TYMP: variants seen among roughly 807,000 people sequenced by gnomAD.
The protein encoded by TYMP is gliostatin.
In TYMP, 46 loss-of-function variants were observed where a neutral mutation model predicts 42.3. That is an observed-to-expected ratio of 1.09 (90% CI 0.86 to 1.39). The LOEUF (loss-of-function observed/expected upper bound fraction) is 1.39, where lower values mean the gene tolerates loss of function less well. TYMP is among the 40% of genes most tolerant of loss of function. The pLI is 0.00. For missense variants in TYMP, 837 were observed against 677.6 expected, an observed-to-expected ratio of 1.24 and a Z score of -2.61; for synonymous variants, 363 against 308.0, an observed-to-expected ratio of 1.18 and a Z score of -1.87.
chr22:50,526,225 G>T (rs756011288), intron 8 of TYMP, 21 bp downstream of exon 8: 1 of 1,518,098 alleles, frequency 6.6e-7, no homozygotes, highest in East Asian at 2.6e-5. Flanking sequence ...GCGGAAGGAC[G>T]GGGACTCCCC....
chr22:50,529,683 G>T lies in TYMP; in HGVS notation c.27C>A (p.Thr9=). ...AGTCACCAGGCGCGGGTGGGGCCCC[G>T]GTTCCCGGGGTCATCAAGGCTGCCA... MAALMTPG[T]GAPPAPGDFS... The change falls in exon 2 of 10, where the codon ACC becomes ACA. Residue 9 remains threonine, a synonymous_variant. Transcript: ENST00000252029. 1.2e-6 allele frequency: 2 copies of T among 1,611,292 alleles called. No individual in the cohort carries two copies. Among genetic ancestry groups the T allele is most frequent in the Non-Finnish European group, 1.7e-6 (2 of 1,179,392 alleles).
chr22:50,527,105 G>A, intron 6 of TYMP, 60 bp downstream of exon 6: 1 of 1,378,188 alleles, frequency 7.3e-7, no homozygotes, highest in East Asian at 2.3e-5. Flanking sequence ...GACGGGAGGG[G>A]TGAAGGGTAG....
rs1368019457 is a variant in TYMP, at chr22:50,529,350, G to C, written c.215-12C>G. 3 of 1,612,696 alleles carry C rather than the reference G, an allele frequency of 1.9e-6. No homozygotes were observed. Among genetic ancestry groups the C allele is most frequent in the Non-Finnish European group, 2.5e-6 (3 of 1,179,776 alleles). ...CATCAGCATGGCCCCTGGTATGTGGGGGTACGCGTGAGGGTGGCAGCCCAC... is the reference window on the plus strand; with the variant it reads ...CATCAGCATGGCCCCTGGTATGTGGCGGTACGCGTGAGGGTGGCAGCCCAC... On this transcript the variant is annotated splice_polypyrimidine_tract_variant and intron_variant, in intron 2 of 9. Coordinates refer to ENST00000252029, the MANE Select transcript of TYMP (RefSeq NM_001953.5).
At chr22:50,527,854 T>G in intron 4 of TYMP, 137 bp from the exon 5 acceptor site, 1 of 1,102,050 alleles carries the variant, frequency 9.1e-7, no homozygotes, top group Non-Finnish European at 1.3e-6. Flanking sequence ...CGGCTCATTG[T>G]GACCTCTGCC....
chr22:50,528,430 A>G, intron 4 of TYMP, 82 bp downstream of exon 4: 1 of 1,211,220 alleles, frequency 8.3e-7, no homozygotes, highest in South Asian at 1.3e-5. Flanking sequence ...GACCCTAATG[A>G]TCCACCAGTG....
rs544006109 is a variant in TYMP, at chr22:50,526,938, C to T, written c.766-200G>A. ...GGAGGAACTTGTACTTGGTCTGGGGCAGGAACGCCACAGAGGGCTTCCCCA... is the reference window on the plus strand; with the variant it reads ...GGAGGAACTTGTACTTGGTCTGGGGTAGGAACGCCACAGAGGGCTTCCCCA... On this transcript the variant is annotated intron_variant, in intron 6 of 9. Transcript: ENST00000252029. Among the ~76,000 whole-genome samples, 4 of 152,368 alleles carry T rather than the reference C, an allele frequency of 2.6e-5. No homozygotes were observed. In the South Asian group the frequency reaches 6.2e-4, roughly 24 times the overall value.
Position 50,528,592 on chromosome 22 carries a change from G to A in TYMP, c.436C>T (p.Arg146Cys). 1.2e-6 allele frequency: 2 copies of A among 1,613,706 alleles called. No individual in the cohort carries two copies. The highest frequency in any genetic ancestry group is 1.1e-5 in the South Asian group (1 of 91,022). Residue 146 changes from arginine to cysteine, a missense_variant, in exon 4 of 10, where the codon CGT (arginine) becomes TGT (cysteine). By Grantham distance (180) the Arg-to-Cys change is radical. Coordinates refer to ENST00000252029, the MANE Select transcript of TYMP (RefSeq NM_001953.5). Reference protein sequence around the residue: ...CGCKVPMISGRGLGHTGGTLD... With the variant: ...CGCKVPMISGCGLGHTGGTLD... ...GTGCCTCCTGTGTGCCCCAGACCAC[G>A]TCCGCTGATCATTGGCACCTGGTGG... is the stretch of plus-strand genomic sequence containing the variant.
At position 50,526,472 on chromosome 22, in the gene TYMP, G is replaced by A. The variant is rs761773659; in HGVS notation, c.933C>T (p.Gly311=). 2.0e-6 allele frequency: 3 copies of A among 1,490,046 alleles called. No homozygotes were observed. The highest frequency in any genetic ancestry group is 2.6e-5 in the East Asian group (1 of 38,590). The allele number at this position is 1,490,046 out of a possible 1,614,324, so 92.3% of individuals were successfully genotyped here. A position where few individuals can be genotyped will look rare whatever the true frequency, so the allele number is the denominator to read the frequency against. The change falls in exon 8 of 10, where the codon GGC becomes GGT. Residue 311 remains glycine, a synonymous_variant. Coordinates refer to ENST00000252029, the MANE Select transcript of TYMP (RefSeq NM_001953.5). ...DLRDLVTTLG[G]ALLWLSGHAG... is the part of the protein sequence containing the mutation. The stretch of plus-strand genomic sequence containing the variant: ...CGTGTCCGCTGAGCCAGAGCAGGGC[G>A]CCCCCTGCGGGCGGGGACGGGTCTT...
In TYMP at chr22:50,526,652, G is replaced by A. The variant is rs774321619; in HGVS notation, c.852C>T (p.Ala284=). ...DKPLGRCVGH[A]LEVEEALLCM... Reference sequence around the variant, plus strand: ...AGAGCAGCGCCTCCTCCACCTCCAGGGCGTGGCCCACGCAGCGACCCAGGG... The same window carrying A: ...AGAGCAGCGCCTCCTCCACCTCCAGAGCGTGGCCCACGCAGCGACCCAGGG... The change falls in exon 7 of 10, where the codon GCC becomes GCT. Residue 284 remains alanine (A), a synonymous_variant. Coordinates refer to ENST00000252029, the MANE Select transcript of TYMP (RefSeq NM_001953.5). The A allele has an allele frequency of 1.9e-6, 3 of 1,563,062 alleles. No individual in the cohort carries two copies. The highest frequency in any genetic ancestry group is 1.2e-5 in the South Asian group (1 of 85,426).
intron 4 of TYMP, 49 bp from the exon 5 acceptor site, chr22:50,527,766 A>T (rs1439560773): frequency 2.2e-6 from 3 of 1,358,124 alleles, no homozygotes; most frequent in Admixed American, 2.2e-5. Flanking sequence ...ATGACTTAGC[A>T]GCTTTTTTTT....
Position 50,529,248 on chromosome 22 carries a change from A to G in TYMP, c.305T>C (p.Leu102Pro), listed in dbSNP as rs1569522879. 1.2e-6 allele frequency: 2 copies of G among 1,613,278 alleles called. No homozygotes were observed. The highest frequency in any genetic ancestry group is 3.3e-5 in the Admixed American group (2 of 60,022). The change falls in exon 3 of 10, where the codon CTG (leucine) becomes CCG (proline). Residue 102 changes from leucine to proline, a missense_variant. Leu to Pro is a moderately conservative substitution (Grantham distance 98). Coordinates refer to ENST00000252029, the MANE Select transcript of TYMP (RefSeq NM_001953.5). ...TQALAQSGQQ[L>P]EWPEAWRQQL... Reference sequence around the variant, plus strand: ...CTGGCGCCAGGCCTCTGGCCACTCCAGCTGCTGTCCCGACTGAGCCAGGGC... The same window carrying G: ...CTGGCGCCAGGCCTCTGGCCACTCCGGCTGCTGTCCCGACTGAGCCAGGGC...
intron 3 of TYMP, 87 bp from the exon 4 acceptor site, chr22:50,528,697 C>T: frequency 1.8e-6 from 2 of 1,085,736 alleles, no homozygotes; most frequent in Non-Finnish European, 2.8e-6. Context: ...AGGAGTGCAG[C>T]TGGATTTGGA....
rs1233240253 is a variant in TYMP, at chr22:50,526,442, C to A, written c.963G>T (p.Gly321=). ...GALLWLSGHA[G]TQAQGAARVA... is the part of the protein sequence containing the mutation. ...CCCGGGCAGCGCCCTGGGCCTGAGT[C>A]CCCGCGTGTCCGCTGAGCCAGAGCA... The change falls in exon 8 of 10, where the codon GGG becomes GGT. Residue 321 remains glycine (G), a synonymous_variant. Transcript: ENST00000252029. 1.3e-6 allele frequency: 2 copies of A among 1,498,168 alleles called. No homozygotes were observed. Among genetic ancestry groups the A allele is most frequent in the Non-Finnish European group, 1.8e-6 (2 of 1,133,012 alleles). The allele number at this position is 1,498,168 out of a possible 1,614,324, so 92.8% of individuals were successfully genotyped here.
At chr22:50,528,891 G>A (rs751153182) in intron 3 of TYMP, 6 of 616,446 alleles carry the variant, frequency 9.7e-6, no homozygotes, top group Non-Finnish European at 1.7e-5. Flanking sequence ...CAAGGGGAAA[G>A]GGGTCTGAAT....
intron 3 of TYMP, 67 bp from the exon 4 acceptor site, chr22:50,528,677 T>A: frequency 7.9e-7 from 1 of 1,266,590 alleles, no homozygotes; most frequent in Non-Finnish European, 1.1e-6. Flanking sequence ...TCCCTTCACC[T>A]TCCCTGGCTA....
intron 4 of TYMP, chr22:50,527,940 TTTTTTTTTCTTC>T: frequency 1.8e-6 from 1 of 568,134 alleles, no homozygotes; most frequent in Non-Finnish European, 3.1e-6. Context: ...ACACGCGGCT[TTTTTTTTTCTTC>T]TTTTTTTTGT....
chr22:50,527,402 T>G, intron 5 of TYMP, 119 bp from the exon 6 acceptor site: 1 of 1,238,754 alleles, frequency 8.1e-7, no homozygotes, highest in Non-Finnish European at 1.2e-6. Context: ...TCCCTTATTA[T>G]GGGGGTGGCA....
Position 50,529,213 on chromosome 22 carries a change from C to G in TYMP, c.340G>C (p.Asp114His). 1 of 1,613,296 alleles carries G rather than the reference C, an allele frequency of 6.2e-7. No homozygotes were observed. The highest frequency in any genetic ancestry group is 8.5e-7 in the Non-Finnish European group (1 of 1,180,014). ...CCCACACCCCCTGTGGAATGCTTGTCCACAAGCTGCTGGCGCCAGGCCTCT... is the reference window on the plus strand; with the variant it reads ...CCCACACCCCCTGTGGAATGCTTGTGCACAAGCTGCTGGCGCCAGGCCTCT... The part of the protein sequence containing the change: ...WPEAWRQQLV[D>H]KHSTGGVGDK... Residue 114 changes from aspartate (D) to histidine (H), a missense_variant, in exon 3 of 10, where the codon GAC (aspartate) becomes CAC (histidine). By Grantham distance (81) the Asp-to-His change is moderately conservative (BLOSUM62 -1). Coordinates refer to ENST00000252029, the MANE Select transcript of TYMP (RefSeq NM_001953.5).
chr22:50,526,419 C>T lies in TYMP; in HGVS notation c.986G>A (p.Arg329Gln), dbSNP rs1435468507. The change falls in exon 8 of 10, where the codon CGG (arginine) becomes CAG (glutamine). Residue 329 changes from arginine to glutamine, a missense_variant. By Grantham distance (43) the Arg-to-Gln change is conservative. Transcript: ENST00000252029. ...HAGTQAQGAA[R>Q]VAAALDDGSA... ...GCCGTCGTCCAGCGCCGCGGCCACC[C>T]GGGCAGCGCCCTGGGCCTGAGTCCC... 6.6e-7 allele frequency: 1 copy of T among 1,507,924 alleles called. No homozygotes were observed. The highest frequency in any genetic ancestry group is 8.8e-7 in the Non-Finnish European group (1 of 1,137,664). 93.4% of individuals were successfully genotyped at this position (1,507,924 alleles called of 1,614,324 possible).
Sources: allele counts gnomAD v4.1 joint callset (sites outside exome capture counted in the v4.1 genomes callset), GRCh38; gene constraint gnomAD v4.1.1; transcripts MANE v1.5; gene names NCBI Gene and HGNC (gene_info 2026-07-23, HGNC 2026-07-21).